Variants in ZC3H12C observed in about 807,000 individuals in gnomAD.
ZC3H12C encodes zinc finger CCCH-type containing 12C.
ZC3H12C carries 20 observed loss-of-function variants against 76.3 expected under a neutral mutation model. That is an observed-to-expected ratio of 0.26 (90% CI 0.18 to 0.38). ZC3H12C has a LOEUF of 0.38. Among genes scored for constraint, ZC3H12C ranks in the 10% least tolerant of loss-of-function variants. The pLI is 1.00. For missense variants in ZC3H12C, 874 were observed against 1,086.5 expected, an observed-to-expected ratio of 0.80 and a Z score of 2.75; for synonymous variants, 352 against 399.6, an observed-to-expected ratio of 0.88 and a Z score of 1.42.
chr11:110,130,648 T>C (rs2134170948), intron 1 of ZC3H12C, among the ~76,000 whole-genome samples: 1 of 152,362 alleles, frequency 6.6e-6, no homozygotes, highest in East Asian at 1.9e-4. Context: ...ATTGGTTTCT[T>C]TGTTTCGTGC....
intron 1 of ZC3H12C, among the ~76,000 whole-genome samples, chr11:110,128,223 GGAAGTGGACTAGGGCCATGTGA>G (rs1861789536): frequency 6.6e-6 from 1 of 151,934 alleles, no homozygotes; most frequent in African/African-American, 2.4e-5. Context: ...CCCTGCAGTG[GGAAGTGGACTAGGGCCATGTGA>G]CTAAGAAAGC....
chr11:110,141,277 A>G (rs1023059931), intron 2 of ZC3H12C, among the ~76,000 whole-genome samples: 5 of 152,224 alleles, frequency 3.3e-5, no homozygotes, highest in African/African-American at 1.2e-4. Context: ...AAGCTGTGAT[A>G]ACTTTCCTCT....
rs112936787 is a variant in ZC3H12C, at chr11:110,157,052, G to A, written c.914-2204G>A. ...AAATTAGCCGGGCATGGTGGTGCAC[G>A]CTTGTAGTCCCAGCTACTCAGGAGG... On this transcript the variant is annotated intron_variant, in intron 3 of 5. Coordinates refer to ENST00000278590, the MANE Select transcript of ZC3H12C (RefSeq NM_033390.2). Among the ~76,000 whole-genome samples, 229 of 152,060 alleles carry A rather than the reference G, an allele frequency of 1.5e-3. 2 individuals carry two copies. The highest frequency in any genetic ancestry group is 4.4e-3 in the African/African-American group (182 of 41,494).
chr11:110,124,928 A>G (rs1861713149), intron 1 of ZC3H12C, among the ~76,000 whole-genome samples: 1 of 152,110 alleles, frequency 6.6e-6, no homozygotes. Context: ...AGCCTGGGGG[A>G]ATAAATGCTT....
intron 3 of ZC3H12C, among the ~76,000 whole-genome samples, chr11:110,158,501 C>T (rs1862418288): frequency 6.6e-6 from 1 of 151,408 alleles, no homozygotes; most frequent in Non-Finnish European, 1.5e-5. Context: ...TAGACCAAGA[C>T]TCAGTCACAG....
intron 1 of ZC3H12C, among the ~76,000 whole-genome samples, chr11:110,106,545 T>C (rs1034115500): frequency 6.6e-6 from 1 of 152,230 alleles, no homozygotes; most frequent in African/African-American, 2.4e-5. Flanking sequence ...AGTTTCTTTC[T>C]TTGTAAAATG....
intron 2 of ZC3H12C, among the ~76,000 whole-genome samples, chr11:110,149,076 T>C (rs1862221327): frequency 6.6e-6 from 1 of 152,222 alleles, no homozygotes; most frequent in African/African-American, 2.4e-5. Flanking sequence ...CATCTGCAGA[T>C]TTGAGCCACC....
intron 1 of ZC3H12C, among the ~76,000 whole-genome samples, chr11:110,118,579 C>G (rs531919017): frequency 6.6e-6 from 1 of 152,244 alleles, no homozygotes; most frequent in South Asian, 2.1e-4. Context: ...GGTGGATCAC[C>G]TGAGGTCAGG....
In ZC3H12C at chr11:110,094,265, GAA is replaced by G. The variant is rs144006315; in HGVS notation, c.21+836_21+837del. Among the ~76,000 whole-genome samples the G allele has an allele frequency of 1.1e-3, 174 of 152,310 alleles. 1 individual carries two copies. Among genetic ancestry groups the G allele is most frequent in the African/African-American group, 4.1e-3 (171 of 41,576 alleles). On this transcript the variant is annotated intron_variant, in intron 1 of 5. Coordinates refer to ENST00000278590, the MANE Select transcript of ZC3H12C (RefSeq NM_033390.2). Reference sequence around the variant, plus strand: ...AGATGAAAGACGAATCCAGATTTAGGAAAAGTTTTCCTATTGGTTGACAAGAC... The same window carrying G: ...AGATGAAAGACGAATCCAGATTTAGGAAGTTTTCCTATTGGTTGACAAGAC...
intron 3 of ZC3H12C, among the ~76,000 whole-genome samples, chr11:110,155,805 T>G (rs913667891): frequency 7.9e-5 from 12 of 152,322 alleles, no homozygotes; most frequent in Non-Finnish European, 1.5e-4. Context: ...AATTGCCTCT[T>G]AGTTGCAACT....
chr11:110,111,664 G>A (rs565778957), intron 1 of ZC3H12C, among the ~76,000 whole-genome samples: 5 of 150,860 alleles, frequency 3.3e-5, no homozygotes, highest in African/African-American at 1.2e-4. Flanking sequence ...CCAAGTAGCT[G>A]GGAGTATAGG....
At chr11:110,122,241 T>C (rs1861663589) in intron 1 of ZC3H12C, among the ~76,000 whole-genome samples, 1 of 152,176 alleles carries the variant, frequency 6.6e-6, no homozygotes, top group Non-Finnish European at 1.5e-5. Flanking sequence ...GATGGTGATA[T>C]TGTGAATATT....
intron 2 of ZC3H12C, among the ~76,000 whole-genome samples, chr11:110,147,007 G>A (rs775750755): frequency 6.6e-6 from 1 of 152,276 alleles, no homozygotes; most frequent in African/African-American, 2.4e-5. Flanking sequence ...AGGTCACCTC[G>A]CGGTGGGTTT....
intron 1 of ZC3H12C, 106 bp downstream of exon 1, chr11:110,093,538 G>C (rs1861049829): frequency 3.7e-6 from 3 of 820,660 alleles, no homozygotes; most frequent in East Asian, 9.4e-5. Flanking sequence ...GCCAGGCGGA[G>C]GGCGCCGGGG....
chr11:110,165,765 T>C lies in ZC3H12C; in HGVS notation c.*28T>C. On this transcript the variant is annotated 3_prime_UTR_variant, in exon 6 of 6. Transcript: ENST00000278590. ...GATGATGCATCTTTGTGGTGTTTAG[T>C]AGTTTTTTGTTCAGCTCAAATGCTG... The C allele has an allele frequency of 4.5e-6, 7 of 1,539,860 alleles. No homozygotes were observed. Among genetic ancestry groups the C allele is most frequent in the Non-Finnish European group, 6.1e-6 (7 of 1,141,886 alleles).
intron 1 of ZC3H12C, among the ~76,000 whole-genome samples, chr11:110,105,095 A>T (rs1249841473): frequency 1.3e-5 from 2 of 152,164 alleles, no homozygotes; most frequent in African/African-American, 4.8e-5. Context: ...GCTTAATTTT[A>T]TCCTTATTCC....
At chr11:110,093,505 G>C (rs1861048020) in intron 1 of ZC3H12C, 73 bp downstream of exon 1, 2 of 1,087,510 alleles carry the variant, frequency 1.8e-6, no homozygotes, top group Non-Finnish European at 2.3e-6. Context: ...GTCGTGGGGA[G>C]GGCCGCGGGG....
intron 1 of ZC3H12C, among the ~76,000 whole-genome samples, chr11:110,095,448 A>G (rs1861096188): frequency 6.6e-6 from 1 of 152,182 alleles, no homozygotes; most frequent in South Asian, 2.1e-4. Context: ...TTCTGATTTG[A>G]TAGCATTTTT....
At position 110,111,977 on chromosome 11, in the gene ZC3H12C, ATG is replaced by A. The variant is rs1460928346; in HGVS notation, c.21+18547_21+18548del. 7.0e-4 allele frequency among the ~76,000 whole-genome samples: 10 copies of A among 14,196 alleles called. No homozygotes were observed. The East Asian group carries it at 0.08, about 113-fold the overall frequency. 9.3% of individuals were successfully genotyped at this position (14,196 alleles called of 152,430 possible). A position where few individuals can be genotyped will look rare whatever the true frequency, so the allele number is the denominator to read the frequency against. On this transcript the variant is annotated intron_variant, in intron 1 of 5. Coordinates refer to ENST00000278590, the MANE Select transcript of ZC3H12C (RefSeq NM_033390.2). ...TGCATGGTCATGCACACGTGCACAC[ATG>A]TACACATGAACACTCATGCATGTGA... is the stretch of plus-strand genomic sequence containing the variant.
Sources: gnomAD v4.1 joint callset for allele counts (sites outside exome capture counted in the v4.1 genomes callset) on GRCh38, gnomAD v4.1.1 for gene constraint, MANE v1.5 for transcripts, NCBI Gene and HGNC (gene_info 2026-07-23, HGNC 2026-07-21) for gene names.